The following GTF2A1L variants were observed in gnomAD, a reference collection of about 807,000 sequenced individuals.
GTF2A1L encodes TFIIA-alpha and beta-like factor.
GTF2A1L carries 48 observed loss-of-function variants against 49.7 expected under a neutral mutation model. The ratio of observed to expected loss-of-function variants is 0.97; its 90% confidence interval spans 0.77 to 1.23. GTF2A1L has a LOEUF of 1.23. Among genes scored for constraint, GTF2A1L ranks in the 50% most tolerant of loss-of-function variants. The pLI, the probability that GTF2A1L is intolerant of heterozygous loss-of-function variation, is 0.00. For synonymous variants in GTF2A1L, 246 were observed against 193.5 expected (o/e 1.27, Z -2.25); for missense variants, 736 against 564.8 (o/e 1.30, Z -3.07).
chr2:48,619,414 G>A (rs1321297364), intron 1 of GTF2A1L, among the ~76,000 whole-genome samples: 2 of 151,550 alleles, frequency 1.3e-5, no homozygotes, highest in African/African-American at 4.9e-5. Context: ...ATGTTGCAGT[G>A]GGCCCAGATT....
intron 6 of GTF2A1L, among the ~76,000 whole-genome samples, chr2:48,655,432 T>C (rs1301164617): frequency 6.6e-6 from 1 of 152,106 alleles, no homozygotes; most frequent in Non-Finnish European, 1.5e-5. Flanking sequence ...CTCAAGCACT[T>C]GTCTCACTTT....
intron 6 of GTF2A1L, among the ~76,000 whole-genome samples, chr2:48,657,562 A>G (rs1425184425): frequency 6.6e-6 from 1 of 152,236 alleles, no homozygotes; most frequent in Admixed American, 6.5e-5. Context: ...TTCAATAAAC[A>G]TAAGAGTGCA....
intron 6 of GTF2A1L, among the ~76,000 whole-genome samples, 181 bp from the exon 7 acceptor site, chr2:48,669,541 A>T (rs534931119): frequency 2.6e-5 from 4 of 152,344 alleles, no homozygotes; most frequent in Admixed American, 1.3e-4. Flanking sequence ...TTAAAAAATT[A>T]TTCCTATGTT....
chr2:48,631,161 C>T (rs1233096828), intron 3 of GTF2A1L, among the ~76,000 whole-genome samples: 1 of 152,088 alleles, frequency 6.6e-6, no homozygotes, highest in Non-Finnish European at 1.5e-5. Context: ...GTCCCTTCTC[C>T]TCAACATTTT....
At chr2:48,671,808 A>G in intron 8 of GTF2A1L, 128 bp downstream of exon 8, 1 of 886,416 alleles carries the variant, frequency 1.1e-6, no homozygotes, top group African/African-American at 1.7e-5. Context: ...TTAATTCTGG[A>G]AATTCTGAGT....
intron 8 of GTF2A1L, among the ~76,000 whole-genome samples, chr2:48,676,902 G>T (rs1054309987): frequency 9.4e-5 from 14 of 149,296 alleles, no homozygotes; most frequent in Non-Finnish European, 1.9e-4. Context: ...GGTGTATAAT[G>T]TAACATATGG....
At chr2:48,628,622 G>C (rs1676416623) in intron 3 of GTF2A1L, among the ~76,000 whole-genome samples, 1 of 143,568 alleles carries the variant, frequency 7.0e-6, no homozygotes, top group South Asian at 2.4e-4. Flanking sequence ...TTACAACTTT[G>C]TCAGATGAGT....
At chr2:48,618,164 T>C in intron 1 of GTF2A1L, 1 of 473,112 alleles carries the variant, frequency 2.1e-6, no homozygotes, top group South Asian at 3.6e-5. Context: ...AGTTGGGGTG[T>C]TTAGAGGTGG....
At chr2:48,662,269 T>C (rs531076569) in intron 6 of GTF2A1L, among the ~76,000 whole-genome samples, 1 of 152,364 alleles carries the variant, frequency 6.6e-6, no homozygotes, top group South Asian at 2.1e-4. Context: ...TTAAATGATG[T>C]AGAAGAATAA....
chr2:48,622,530 A>T (rs1343058048), intron 3 of GTF2A1L, among the ~76,000 whole-genome samples: 2 of 152,074 alleles, frequency 1.3e-5, no homozygotes, highest in Non-Finnish European at 2.9e-5. Flanking sequence ...GGTTGGCATG[A>T]GGGTGTGGTG....
intron 4 of GTF2A1L, among the ~76,000 whole-genome samples, chr2:48,643,750 A>G (rs571235580): frequency 2.3e-5 from 3 of 132,000 alleles, no homozygotes; most frequent in South Asian, 4.9e-4. Context: ...CCAAGTCTGG[A>G]GTGCGGTGGC....
chr2:48,656,349 T>TTTTTTTTTTG, intron 6 of GTF2A1L, among the ~76,000 whole-genome samples: 2 of 7,436 alleles, frequency 2.7e-4, no homozygotes, highest in Non-Finnish European at 6.4e-4. Flanking sequence ...TTATTTTCTG[T>TTTTTTTTTTG]TTTTTTTTTT....
chr2:48,621,970 C>A (rs1179858824), intron 3 of GTF2A1L, among the ~76,000 whole-genome samples: 1 of 152,126 alleles, frequency 6.6e-6, no homozygotes, highest in African/African-American at 2.4e-5. Context: ...TTCTTATAAT[C>A]TTTATGTTAC....
intron 5 of GTF2A1L, 156 bp from the exon 6 acceptor site, chr2:48,646,297 A>C (rs1677502149): frequency 1.9e-6 from 1 of 540,276 alleles, no homozygotes; most frequent in Admixed American, 3.9e-5. Flanking sequence ...AAAATGTCTG[A>C]AGAATAAAAG....
At chr2:48,621,585 C>G (rs139273425) in intron 3 of GTF2A1L, among the ~76,000 whole-genome samples, 1 of 152,198 alleles carries the variant, frequency 6.6e-6, no homozygotes, top group East Asian at 1.9e-4. Flanking sequence ...TTGGTAATTT[C>G]AGATAATTTG....
At position 48,629,051 on chromosome 2, in the gene GTF2A1L, G is replaced by C. The variant is rs888845745; in HGVS notation, c.247+7761G>C. 2.1e-5 allele frequency among the ~76,000 whole-genome samples: 3 copies of C among 143,088 alleles called. 1 individual carries two copies. The highest frequency in any genetic ancestry group is 3.1e-5 in the Non-Finnish European group (2 of 63,630). 93.9% of individuals were successfully genotyped at this position (143,088 alleles called of 152,430 possible). On this transcript the variant is annotated intron_variant, in intron 3 of 8. Coordinates refer to ENST00000403751, the MANE Select transcript of GTF2A1L (RefSeq NM_006872.5). ...GAGGACAGGAGTTTGAGACCAGCCT[G>C]ACCAACATGGTGAAACCTGTCTTTA...
chr2:48,640,010 C>T (rs60795988), intron 3 of GTF2A1L, among the ~76,000 whole-genome samples: 32,281 of 152,082 alleles, frequency 0.21, 3,862 homozygotes, highest in Middle Eastern at 0.4. Flanking sequence ...CCATCTCACA[C>T]CAGTCTGAAT....
At position 48,657,766 on chromosome 2, in the gene GTF2A1L, T is replaced by G. The variant is rs558175362; in HGVS notation, c.978+10724T>G. 1.9e-4 allele frequency among the ~76,000 whole-genome samples: 29 copies of G among 149,504 alleles called. No homozygotes were observed. In the East Asian group the frequency reaches 5.1e-3, roughly 26 times the overall value. On this transcript the variant is annotated intron_variant, in intron 6 of 8. Coordinates refer to ENST00000403751, the MANE Select transcript of GTF2A1L (RefSeq NM_006872.5). ...TGCAGCCTTGCTGGAATCTCTTGTT[T>G]TTTTTTTTTGACTTTTTAATAATAT...
intron 3 of GTF2A1L, among the ~76,000 whole-genome samples, chr2:48,636,644 T>G (rs1441330361): frequency 1.3e-5 from 2 of 152,238 alleles, no homozygotes; most frequent in Non-Finnish European, 2.9e-5. Context: ...TTTGACCTTA[T>G]AAACACCCTG....
Sources: gnomAD v4.1 joint callset for allele counts (sites outside exome capture counted in the v4.1 genomes callset) on GRCh38, gnomAD v4.1.1 for gene constraint, MANE v1.5 for transcripts, NCBI Gene and HGNC (gene_info 2026-07-23, HGNC 2026-07-21) for gene names.